PYHIN1: variants seen among roughly 807,000 people sequenced by gnomAD.
PYHIN1 encodes pyrin and HIN domain family member 1, also known as pyrin and HIN domain-containing protein 1.
In PYHIN1, 32 loss-of-function variants were observed where a neutral mutation model predicts 43.7. The observed-to-expected ratio is 0.73, with a 90% CI of 0.55 to 0.98. The LOEUF is 0.98. Ranked by LOEUF, PYHIN1 falls within the 50% of genes least tolerant of loss-of-function variation. The probability of loss-of-function intolerance (pLI) is 0.00; values close to 1 mark genes in which losing one functional copy is unlikely to be tolerated. For missense variants in PYHIN1, 588 were observed against 589.5 expected, an observed-to-expected ratio of 1.00 and a Z score of 0.03; for synonymous variants, 205 against 203.1, an observed-to-expected ratio of 1.01 and a Z score of -0.08.
At chr1:158,988,584 T>A in the PYHIN1 span, among the ~76,000 whole-genome samples, 1 of 152,160 alleles carries the variant, frequency 6.6e-6, no homozygotes, top group Non-Finnish European at 1.5e-5. Context: ...AAGGCAATCC[T>A]CATTATATAG....
intron 2 of PYHIN1, among the ~76,000 whole-genome samples, chr1:158,937,828 C>T (rs1331450530): frequency 6.6e-6 from 1 of 152,028 alleles, no homozygotes; most frequent in Non-Finnish European, 1.5e-5. Context: ...CACCTGTAGT[C>T]CCAGCTACTC....
intron 7 of PYHIN1, among the ~76,000 whole-genome samples, chr1:158,960,339 A>C (rs1384336971): frequency 6.6e-6 from 1 of 152,246 alleles, no homozygotes; most frequent in East Asian, 1.9e-4. Flanking sequence ...TTTCTCACTT[A>C]CACTGATTGA....
At position 158,942,198 on chromosome 1, in the gene PYHIN1, A is replaced by T. The variant is rs142992506; in HGVS notation, c.801A>T (p.Arg267Ser). The T allele has an allele frequency of 1.0e-3, 1,622 of 1,614,010 alleles. 4 individuals are homozygous for T. The highest frequency in any genetic ancestry group is 1.6e-3 in the South Asian group (150 of 91,070). Residue 267 changes from arginine to serine, a missense_variant, in exon 5 of 9, where the codon AGA becomes AGT. Physicochemically the swap from Arg to Ser is moderately radical, Grantham distance 110. Transcript: ENST00000368140. ...INLKRKFIKK[R>S]IIIISNYSKR... ...TGAAGAGGAAATTCATTAAAAAGAG[A>T]ATCATCATTATATCAAATTATTCCA...
intron 2 of PYHIN1, 79 bp downstream of exon 2, chr1:158,937,254 G>A (rs182116261): frequency 3.9e-4 from 555 of 1,425,792 alleles, no homozygotes; most frequent in Non-Finnish European, 4.8e-4. Context: ...CACCTTGGTC[G>A]TAGCTGATAC....
chr1:158,973,547 A>G, intron 7 of PYHIN1, 100 bp from the exon 8 acceptor site: 2 of 1,219,528 alleles, frequency 1.6e-6, no homozygotes, highest in South Asian at 2.6e-5. Flanking sequence ...ATATACACAC[A>G]TGTATTACAT....
chr1:158,961,528 C>G (rs1650318092), intron 7 of PYHIN1, among the ~76,000 whole-genome samples: 2 of 152,038 alleles, frequency 1.3e-5, no homozygotes, highest in African/African-American at 4.8e-5. Flanking sequence ...TTGAGATCCA[C>G]CGAGAAAACA....
intron 8 of PYHIN1, among the ~76,000 whole-genome samples, chr1:158,976,365 C>A (rs949555311): frequency 2.6e-5 from 4 of 152,050 alleles, no homozygotes; most frequent in Non-Finnish European, 5.9e-5. Context: ...GCTCCTCCTA[C>A]CTTTCTGCCC....
At chr1:158,955,954 A>G (rs1317418800) in intron 7 of PYHIN1, among the ~76,000 whole-genome samples, 3 of 132,348 alleles carry the variant, frequency 2.3e-5, no homozygotes, top group Admixed American at 1.5e-4. Context: ...ACAAACTACC[A>G]TCAGAGAATA....
chr1:158,973,789 G>A lies in PYHIN1; in HGVS notation c.*5+18G>A, dbSNP rs927624786. ...TAAATAAGGTACCACCTTTCTATTT[G>A]CATTGCTGTACCTCTAAAATATAAT... On this transcript the variant is annotated intron_variant, in intron 8 of 8. Coordinates refer to ENST00000368140, the MANE Select transcript of PYHIN1 (RefSeq NM_152501.5). The A allele has an allele frequency of 6.2e-7, 1 of 1,612,048 alleles. No individual in the cohort carries two copies. The highest frequency in any genetic ancestry group is 1.3e-5 in the African/African-American group (1 of 74,758).
rs1649644808 is a variant in PYHIN1, at chr1:158,952,877, G to A, written c.1359+7835G>A. On this transcript the variant is annotated intron_variant, in intron 7 of 8. Transcript: ENST00000368140. ...CTCACTAGGGAGTGCCAGACAGTGG[G>A]CGCAGGTCAGTGGGTGCACGCACCA... is the stretch of plus-strand genomic sequence containing the variant. Among the ~76,000 whole-genome samples, 2 of 152,196 alleles carry A rather than the reference G, an allele frequency of 1.3e-5. 1 individual carries two copies. Among genetic ancestry groups the A allele is most frequent in the South Asian group, 4.1e-4 (2 of 4,832 alleles).
chr1:158,970,295 T>C (rs1375476210), intron 7 of PYHIN1, among the ~76,000 whole-genome samples: 1 of 152,056 alleles, frequency 6.6e-6, no homozygotes, highest in African/African-American at 2.4e-5. Flanking sequence ...TTATGTATAT[T>C]TGTTAATGAT....
chr1:158,984,035 T>G, the PYHIN1 span, among the ~76,000 whole-genome samples: 1 of 150,102 alleles, frequency 6.7e-6, no homozygotes, highest in South Asian at 2.1e-4. Context: ...CCTGTTTTTT[T>G]TTTTTTTTTT....
intron 7 of PYHIN1, among the ~76,000 whole-genome samples, chr1:158,973,192 A>G (rs2101736151): frequency 6.6e-6 from 1 of 152,210 alleles, no homozygotes; most frequent in Non-Finnish European, 1.5e-5. Flanking sequence ...CTATGAGTTG[A>G]AGACAGACTT....
intron 7 of PYHIN1, among the ~76,000 whole-genome samples, chr1:158,955,227 G>A (rs1251558551): frequency 6.6e-6 from 1 of 152,098 alleles, no homozygotes; most frequent in South Asian, 2.1e-4. Flanking sequence ...CCCAGGAATT[G>A]AACTCAGCTC....
chr1:158,953,961 C>T (rs865973776), intron 7 of PYHIN1, among the ~76,000 whole-genome samples: 33 of 129,162 alleles, frequency 2.6e-4, no homozygotes, highest in African/African-American at 9.5e-4. Context: ...AATGCAGAAG[C>T]CTCAGGAGCC....
chr1:158,949,033 C>T (rs1231098000), intron 7 of PYHIN1, among the ~76,000 whole-genome samples: 1 of 152,038 alleles, frequency 6.6e-6, no homozygotes, highest in African/African-American at 2.4e-5. Context: ...CAAGTGAAGG[C>T]TATAGTGTAA....
chr1:158,982,991 G>T, the PYHIN1 span, among the ~76,000 whole-genome samples: 10 of 152,084 alleles, frequency 6.6e-5, no homozygotes, highest in Admixed American at 2.0e-4. Context: ...CATTGATTTT[G>T]TATCCTGAGA....
rs200700729 is a variant in PYHIN1, at chr1:158,940,867, A to AT, written c.580-1104dup. 5.1e-3 allele frequency among the ~76,000 whole-genome samples: 780 copies of AT among 152,188 alleles called. 4 individuals carry two copies. Among genetic ancestry groups the AT allele is most frequent in the Non-Finnish European group, 8.3e-3 (563 of 68,016 alleles). On this transcript the variant is annotated intron_variant, in intron 4 of 8. Transcript: ENST00000368140. ...CATATTTACTCCTATGTATACACAT[A>AT]TTTTTTCTGAAAATATCATCATACA... is the stretch of plus-strand genomic sequence containing the variant.
At chr1:158,953,710 A>G (rs887696635) in intron 7 of PYHIN1, among the ~76,000 whole-genome samples, 2 of 152,244 alleles carry the variant, frequency 1.3e-5, no homozygotes, top group African/African-American at 4.8e-5. Context: ...TCCTCCAAAG[A>G]AACGCAGTTC....
Sources: allele counts gnomAD v4.1 joint callset (sites outside exome capture counted in the v4.1 genomes callset), GRCh38; gene constraint gnomAD v4.1.1; transcripts MANE v1.5; gene names NCBI Gene and HGNC (gene_info 2026-07-23, HGNC 2026-07-21).